The following RRAS2 variants were observed in gnomAD, a reference collection of about 807,000 sequenced individuals.
The protein encoded by RRAS2 is ras-related protein R-Ras2.
Under a neutral mutation model 27.6 loss-of-function variants are expected in RRAS2, and 7 were observed. The observed-to-expected ratio is 0.25, with a 90% CI of 0.14 to 0.48. The LOEUF (loss-of-function observed/expected upper bound fraction) is 0.48, where lower values mean the gene tolerates loss of function less well. RRAS2 is among the 20% of genes least tolerant of loss of function. RRAS2 has a pLI of 0.99. For synonymous variants in RRAS2, 86 were observed against 90.9 expected (o/e 0.95, Z 0.31); for missense variants, 178 against 256.2 (o/e 0.69, Z 2.08).
At chr11:14,300,811 T>C (rs1020574782) in intron 1 of RRAS2, among the ~76,000 whole-genome samples, 1 of 151,822 alleles carries the variant, frequency 6.6e-6, no homozygotes, top group Non-Finnish European at 1.5e-5. Flanking sequence ...AAGGGGTGAG[T>C]TGCCCTTCCG....
At chr11:14,361,523 C>A (rs1270047094), upstream of RRAS2, among the ~76,000 whole-genome samples, 1 of 152,176 alleles carries the variant, frequency 6.6e-6, no homozygotes, top group Non-Finnish European at 1.5e-5. Context: ...GAGCGAGACC[C>A]TGTCTCAAAA....
intron 1 of RRAS2, among the ~76,000 whole-genome samples, chr11:14,299,548 C>T (rs1332543118): frequency 6.6e-6 from 1 of 152,204 alleles, no homozygotes; most frequent in Non-Finnish European, 1.5e-5. Flanking sequence ...ATGTAGTATG[C>T]AAAGCCATCC....
intron 1 of RRAS2, among the ~76,000 whole-genome samples, chr11:14,321,155 G>A (rs1848214760): frequency 6.7e-6 from 1 of 149,290 alleles, no homozygotes; most frequent in East Asian, 2.0e-4. Context: ...CTCCACCCTA[G>A]ACAACAGACC....
At chr11:14,324,433 A>C (rs1386284111) in intron 1 of RRAS2, among the ~76,000 whole-genome samples, 1 of 151,698 alleles carries the variant, frequency 6.6e-6, no homozygotes, top group Non-Finnish European at 1.5e-5. Flanking sequence ...AGGCCAAAAA[A>C]AAAAAAAAAA....
At chr11:14,337,585 T>C (rs1441335483) in intron 1 of RRAS2, among the ~76,000 whole-genome samples, 1 of 152,220 alleles carries the variant, frequency 6.6e-6, no homozygotes, top group East Asian at 1.9e-4. Context: ...TTGTAGTATA[T>C]GGTTGTAATT....
intron 1 of RRAS2, among the ~76,000 whole-genome samples, chr11:14,305,598 G>A (rs940233338): frequency 8.5e-5 from 13 of 152,068 alleles, no homozygotes; most frequent in African/African-American, 2.7e-4. Flanking sequence ...AACATTCTAA[G>A]TACAAAAACA....
At chr11:14,290,007 C>T (rs1591445562) in intron 4 of RRAS2, among the ~76,000 whole-genome samples, 1 of 152,174 alleles carries the variant, frequency 6.6e-6, no homozygotes, top group African/African-American at 2.4e-5. Context: ...TTACTCAGAA[C>T]CTACAGATGA....
chr11:14,293,952 T>C (rs1554946182), intron 4 of RRAS2, among the ~76,000 whole-genome samples: 2 of 152,234 alleles, frequency 1.3e-5, no homozygotes, highest in African/African-American at 4.8e-5. Context: ...ACTAAAAATA[T>C]TATTTTATTA....
At chr11:14,331,199 C>A (rs189313669) in intron 1 of RRAS2, among the ~76,000 whole-genome samples, 2 of 152,020 alleles carry the variant, frequency 1.3e-5, no homozygotes, top group East Asian at 3.9e-4. Flanking sequence ...TTTCTGTGAA[C>A]CTAGAAACTG....
chr11:14,343,164 C>T (rs1236272772), intron 1 of RRAS2, among the ~76,000 whole-genome samples: 1 of 151,938 alleles, frequency 6.6e-6, no homozygotes, highest in Non-Finnish European at 1.5e-5. Context: ...ATCAGCTCAG[C>T]CAATGGCTTC....
At chr11:14,329,068 TACAC>T (rs200695347) in intron 1 of RRAS2, among the ~76,000 whole-genome samples, 40,752 of 141,500 alleles carry the variant, frequency 0.29, 6,443 homozygotes, top group South Asian at 0.41. Flanking sequence ...CACATATACA[TACAC>T]ACACACACAC....
At chr11:14,326,387 A>G (rs977273790) in intron 1 of RRAS2, among the ~76,000 whole-genome samples, 2 of 152,230 alleles carry the variant, frequency 1.3e-5, no homozygotes, top group Non-Finnish European at 2.9e-5. Flanking sequence ...ATGATGCCTA[A>G]ATTTTATTTT....
At chr11:14,299,078 T>A (rs1401472788) in intron 1 of RRAS2, among the ~76,000 whole-genome samples, 1 of 152,156 alleles carries the variant, frequency 6.6e-6, no homozygotes, top group Non-Finnish European at 1.5e-5. Context: ...AGGAACAAAA[T>A]CCTGTGAAGC....
chr11:14,292,888 A>T (rs1847440792), intron 4 of RRAS2, among the ~76,000 whole-genome samples: 2 of 151,798 alleles, frequency 1.3e-5, no homozygotes, highest in South Asian at 2.1e-4. Context: ...TGGGTGGATC[A>T]CAAGTTCAGG....
intron 1 of RRAS2, among the ~76,000 whole-genome samples, chr11:14,351,379 G>A (rs1848947295): frequency 6.6e-6 from 1 of 152,136 alleles, no homozygotes; most frequent in Non-Finnish European, 1.5e-5. Flanking sequence ...TCAGGTAATA[G>A]TATAATAACA....
chr11:14,322,301 A>ATGG (rs1375567320), intron 1 of RRAS2, among the ~76,000 whole-genome samples: 8 of 151,782 alleles, frequency 5.3e-5, no homozygotes, highest in Admixed American at 2.6e-4. Flanking sequence ...TGAGCCCAGC[A>ATGG]TGGTGGTGCA....
chr11:14,329,421 T>C (rs1848440250), intron 1 of RRAS2, among the ~76,000 whole-genome samples: 1 of 152,222 alleles, frequency 6.6e-6, no homozygotes, highest in African/African-American at 2.4e-5. Flanking sequence ...GCCAAAATTA[T>C]ATATTTTAAA....
intron 1 of RRAS2, among the ~76,000 whole-genome samples, chr11:14,341,650 C>T (rs1554953275): frequency 6.6e-6 from 1 of 152,094 alleles, no homozygotes; most frequent in Non-Finnish European, 1.5e-5. Context: ...GAAGAAAACA[C>T]TTGTGTCTCG....
At chr11:14,303,186 A>C (rs963212) in intron 1 of RRAS2, among the ~76,000 whole-genome samples, 1 of 152,020 alleles carries the variant, frequency 6.6e-6, no homozygotes, top group African/African-American at 2.4e-5. Flanking sequence ...CTTATTAGTA[A>C]TAAGTTGTGA....
Sources: allele counts gnomAD v4.1 joint callset (sites outside exome capture counted in the v4.1 genomes callset), GRCh38; gene constraint gnomAD v4.1.1; transcripts MANE v1.5; gene names NCBI Gene and HGNC (gene_info 2026-07-23, HGNC 2026-07-21).